Variants in KYAT3 observed in about 807,000 individuals in gnomAD.
The protein encoded by KYAT3 is kynurenine--oxoglutarate transaminase 3.
In KYAT3, 50 loss-of-function variants were observed where a neutral mutation model predicts 59.0. The observed-to-expected ratio is 0.85, with a 90% confidence interval of 0.68 to 1.07. The LOEUF is 1.07. KYAT3 is among the 50% of genes least tolerant of loss of function. KYAT3 has a pLI of 0.00. For missense variants in KYAT3, 497 were observed against 533.3 expected, an observed-to-expected ratio of 0.93 and a Z score of 0.67; for synonymous variants, 148 against 177.0, an observed-to-expected ratio of 0.84 and a Z score of 1.30.
chr1:88,961,568 C>A, intron 6 of KYAT3, 62 bp from the exon 7 acceptor site: 3 of 1,406,970 alleles, frequency 2.1e-6, no homozygotes, highest in Non-Finnish European at 2.9e-6. Flanking sequence ...GTCTTACAAA[C>A]GAATAACCTA....
At chr1:88,982,378 AC>A (rs1173182459) in intron 2 of KYAT3, 41 of 782,506 alleles carry the variant, frequency 5.2e-5, no homozygotes, top group Non-Finnish European at 7.2e-5. Flanking sequence ...CTTTAGGGAC[AC>A]CTTTACTTGG....
At chr1:88,959,224 G>C (rs1676047364) in intron 8 of KYAT3, among the ~76,000 whole-genome samples, 1 of 151,568 alleles carries the variant, frequency 6.6e-6, no homozygotes, top group African/African-American at 2.4e-5. Flanking sequence ...AGATTACAGT[G>C]AGCTCTGAGC....
chr1:88,943,408 T>C lies in KYAT3; in HGVS notation c.1157A>G (p.Asp386Gly). The C allele has an allele frequency of 6.3e-7, 1 of 1,575,916 alleles. No individual in the cohort carries two copies. Among genetic ancestry groups the C allele is most frequent in the Non-Finnish European group, 8.6e-7 (1 of 1,158,406 alleles). ...DVSLLDPDLSDMKNNEPYDYK... is the reference protein window; with the variant it reads ...DVSLLDPDLSGMKNNEPYDYK... The stretch of plus-strand genomic sequence containing the variant: ...GTCATAAGGCTCATTATTCTTCATA[T>C]CAGAGAGGTCTGGATCTAAAACCAC... Residue 386 changes from aspartate (D) to glycine (G), a missense_variant, in exon 12 of 14, where the codon GAT becomes GGT. Around this residue, in one of 2 missense-constraint regions of KYAT3, gnomAD observed 469 missense variants for 479.1 expected, o/e 0.98. Transcript: ENST00000260508.
At chr1:88,960,621 G>A (rs749673575) in intron 8 of KYAT3, among the ~76,000 whole-genome samples, 1 of 152,170 alleles carries the variant, frequency 6.6e-6, no homozygotes, top group Admixed American at 6.5e-5. Context: ...TCCAGGCAAA[G>A]GAAAGGGAGG....
intron 1 of KYAT3, among the ~76,000 whole-genome samples, chr1:88,990,512 G>T (rs1316448539): frequency 6.6e-6 from 1 of 152,190 alleles, no homozygotes; most frequent in African/African-American, 2.4e-5. Context: ...TGCAGCTTTA[G>T]ATACTGGCAG....
chr1:88,983,487 C>T (rs1248311519), intron 2 of KYAT3: 2 of 1,614,054 alleles, frequency 1.2e-6, no homozygotes, highest in African/African-American at 1.3e-5. Flanking sequence ...CCACTTCCTC[C>T]TCTTCCAGCT....
chr1:88,958,812 C>T lies in KYAT3; in HGVS notation c.787+2355G>A, dbSNP rs1429232858. On this transcript the variant is annotated intron_variant, in intron 8 of 13. Coordinates refer to ENST00000260508, the MANE Select transcript of KYAT3 (RefSeq NM_001008661.3). ...ACTTTCAGGATGGAATTCACAATAT[C>T]ACCATTTCATGATGTAGAACACTGT... Among the ~76,000 whole-genome samples the T allele has an allele frequency of 3.9e-5, 6 of 152,074 alleles. No homozygotes were observed. In the South Asian group the frequency reaches 1.2e-3, roughly 31 times the overall value.
At chr1:88,985,135 A>G (rs1295962214) in intron 2 of KYAT3, among the ~76,000 whole-genome samples, 3 of 152,258 alleles carry the variant, frequency 2.0e-5, no homozygotes, top group African/African-American at 7.2e-5. Flanking sequence ...GGAATGCCAG[A>G]AATGGAGTCA....
intron 2 of KYAT3, chr1:88,980,507 C>T (rs1431247865): frequency 1.3e-5 from 2 of 152,354 alleles, no homozygotes; most frequent in Non-Finnish European, 2.9e-5. Context: ...CTATAATACC[C>T]AAGTTCTATG....
intron 9 of KYAT3, among the ~76,000 whole-genome samples, chr1:88,953,584 A>C (rs1675772860): frequency 6.6e-6 from 1 of 151,152 alleles, no homozygotes; most frequent in South Asian, 2.1e-4. Context: ...CTATGAAAGT[A>C]GTACAGTATT....
chr1:88,949,305 A>T, intron 10 of KYAT3, 28 bp from the exon 11 acceptor site: 1 of 1,481,186 alleles, frequency 6.8e-7, no homozygotes, highest in Non-Finnish European at 9.0e-7. Context: ...AAAAATATGA[A>T]AAGGCATATG....
the KYAT3 span, among the ~76,000 whole-genome samples, chr1:88,930,062 G>T: frequency 6.6e-6 from 1 of 152,160 alleles, no homozygotes; most frequent in East Asian, 1.9e-4. Context: ...AGAAAAAACC[G>T]GAATAGCTCT....
chr1:88,945,592 G>T (rs1261515321), intron 11 of KYAT3, among the ~76,000 whole-genome samples: 1 of 152,134 alleles, frequency 6.6e-6, no homozygotes, highest in Non-Finnish European at 1.5e-5. Flanking sequence ...TATTTGCAAA[G>T]CTCCTAATGT....
chr1:88,933,299 T>C (rs557885088), downstream of KYAT3, among the ~76,000 whole-genome samples: 1 of 152,072 alleles, frequency 6.6e-6, no homozygotes, highest in Non-Finnish European at 1.5e-5. Flanking sequence ...TTCACTGATG[T>C]AGTAAGTGCC....
At chr1:88,984,584 A>G (rs192342424) in intron 2 of KYAT3, among the ~76,000 whole-genome samples, 1 of 152,346 alleles carries the variant, frequency 6.6e-6, no homozygotes, top group East Asian at 1.9e-4. Context: ...GATACGCTGT[A>G]GCTATTTAAC....
chr1:88,982,773 C>G lies in KYAT3; in HGVS notation c.99+5479G>C, dbSNP rs1342363038. On this transcript the variant is annotated intron_variant, in intron 2 of 13. Coordinates refer to ENST00000260508, the MANE Select transcript of KYAT3 (RefSeq NM_001008661.3). ...CGTGAAGAAGGGTACCCCCTTTCTA[C>G]AGAAGGGGGAAGCCCTCTTTCTTGT... 13 of 1,613,824 alleles carry G rather than the reference C, an allele frequency of 8.1e-6. No homozygotes were observed. The highest frequency in any genetic ancestry group is 2.7e-5 in the African/African-American group (2 of 74,896).
In KYAT3 at chr1:88,936,011, T is replaced by G. The variant is rs1675020828; in HGVS notation, c.*172A>C. On this transcript the variant is annotated 3_prime_UTR_variant, in exon 14 of 14. Transcript: ENST00000260508. ...ATACATTTCAACTGGAAAAAAAAGG[T>G]CAGATCCCCCGAAAATGTTGTTAGG... 1 of 511,614 alleles carries G rather than the reference T, an allele frequency of 2.0e-6. No individual in the cohort carries two copies. Among genetic ancestry groups the G allele is most frequent in the Non-Finnish European group, 3.5e-6 (1 of 284,034 alleles). The allele number at this position is 511,614 out of a possible 1,614,324, so 31.7% of individuals were successfully genotyped here.
the KYAT3 span, among the ~76,000 whole-genome samples, chr1:88,927,055 T>C: frequency 6.6e-6 from 1 of 152,194 alleles, no homozygotes; most frequent in South Asian, 2.1e-4. Flanking sequence ...GACTGCTACA[T>C]CGGTAAGCGT....
At chr1:88,962,586 T>C (rs1215761662) in intron 5 of KYAT3, among the ~76,000 whole-genome samples, 2 of 152,214 alleles carry the variant, frequency 1.3e-5, no homozygotes, top group African/African-American at 4.8e-5. Context: ...AACACTGTAA[T>C]GTTCCCTGGT....
Sources: allele counts gnomAD v4.1 joint callset (sites outside exome capture counted in the v4.1 genomes callset), GRCh38; gene constraint gnomAD v4.1.1; regional missense constraint gnomAD v4.1.1; transcripts MANE v1.5; gene names NCBI Gene and HGNC (gene_info 2026-07-23, HGNC 2026-07-21).